The following RUBCN variants were observed in gnomAD, a reference collection of about 807,000 sequenced individuals.
RUBCN encodes the protein rubicon autophagy regulator.
A neutral mutation model predicts 113.2 loss-of-function variants in RUBCN; 74 were observed. The observed-to-expected ratio is 0.65, with a 90% CI of 0.54 to 0.79. The LOEUF is 0.79. RUBCN is among the 30% of genes least tolerant of loss of function. RUBCN has a pLI of 0.00. For synonymous variants in RUBCN, 480 were observed against 490.0 expected (o/e 0.98, Z 0.27); for missense variants, 1,109 against 1,251.7 (o/e 0.89, Z 1.72).
At chr3:197,723,789 T>C (rs1726429242) in intron 1 of RUBCN, among the ~76,000 whole-genome samples, 1 of 152,104 alleles carries the variant, frequency 6.6e-6, no homozygotes, top group Non-Finnish European at 1.5e-5. Flanking sequence ...CAGATCACAA[T>C]GGAGAAATAA....
intron 2 of RUBCN, 137 bp downstream of exon 2, chr3:197,717,840 T>C (rs1179990468): frequency 2.3e-6 from 2 of 875,674 alleles, no homozygotes. Flanking sequence ...ACGTTCTGTA[T>C]ATTAAAAAAA....
chr3:197,701,875 A>C lies in RUBCN; in HGVS notation c.571-11T>G, dbSNP rs1469353027. On this transcript the variant is annotated splice_polypyrimidine_tract_variant and intron_variant, in intron 5 of 19. Transcript: ENST00000296343. The stretch of plus-strand genomic sequence containing the variant: ...GTGCTTTCTGGCAAACTAAAAAGCA[A>C]AACAAAACCAAAAAATGTGTCAGAG... 5 of 1,613,790 alleles carry C rather than the reference A, an allele frequency of 3.1e-6. No homozygotes were observed. The highest frequency in any genetic ancestry group is 1.7e-5 in the Admixed American group (1 of 59,944).
chr3:197,740,487 A>G (rs982517740), upstream of RUBCN, among the ~76,000 whole-genome samples: 1 of 152,204 alleles, frequency 6.6e-6, no homozygotes, highest in African/African-American at 2.4e-5. Context: ...AGAAAAAGAA[A>G]AAGAAATTTT....
intron 2 of RUBCN, among the ~76,000 whole-genome samples, chr3:197,711,669 A>C (rs1479907501): frequency 6.6e-6 from 1 of 152,124 alleles, no homozygotes; most frequent in African/African-American, 2.4e-5. Context: ...CCTGTCTTTA[A>C]AAAAAATTTT....
At chr3:197,744,455 A>G (rs542980387) in intron 1 of RUBCN, among the ~76,000 whole-genome samples, 6 of 152,346 alleles carry the variant, frequency 3.9e-5, no homozygotes, top group Middle Eastern at 3.4e-3. Context: ...GATAAAACTC[A>G]GCATTTATTC....
rs1320329346 is a variant in RUBCN at position 197,726,535 on chromosome 3, C to T, written c.66-8405G>A. 4.4e-5 allele frequency among the ~76,000 whole-genome samples: 6 copies of T among 137,706 alleles called. No individual in the cohort carries two copies. The East Asian group carries it at 9.0e-4, about 21-fold the overall frequency. The allele number at this position is 137,706 out of a possible 152,430, so 90.3% of individuals were successfully genotyped here. A position where few individuals can be genotyped will look rare whatever the true frequency, so the allele number is the denominator to read the frequency against. ...TGCTGGGATTACAGGCGTGAGCCAC[C>T]GCGTCCAGCCTATTTTATTTCTGAG... On this transcript the variant is annotated intron_variant, in intron 1 of 19. Coordinates refer to ENST00000296343, the MANE Select transcript of RUBCN (RefSeq NM_014687.4).
intron 1 of RUBCN, among the ~76,000 whole-genome samples, chr3:197,730,819 C>G (rs1034079530): frequency 1.4e-5 from 2 of 146,472 alleles, no homozygotes; most frequent in Admixed American, 1.4e-4. Context: ...AGCCCTGCAT[C>G]AGCTTCTCTC....
chr3:197,679,207 G>C (rs1377914331), intron 16 of RUBCN, among the ~76,000 whole-genome samples: 1 of 148,560 alleles, frequency 6.7e-6, no homozygotes, highest in Non-Finnish European at 1.5e-5. Flanking sequence ...ACTGGCTTCA[G>C]ACTGTCCTAC....
intron 1 of RUBCN, among the ~76,000 whole-genome samples, chr3:197,735,909 T>G (rs1580405917): frequency 6.6e-6 from 1 of 152,140 alleles, no homozygotes; most frequent in East Asian, 1.9e-4. Context: ...TTTTATATTT[T>G]AAATCCCCCA....
intron 16 of RUBCN, among the ~76,000 whole-genome samples, chr3:197,679,761 C>T (rs1444248165): frequency 2.8e-5 from 4 of 144,310 alleles, no homozygotes; most frequent in African/African-American, 7.8e-5. Context: ...GACTGTCCTA[C>T]GCTCTGACAA....
chr3:197,696,875 C>G, intron 8 of RUBCN, 79 bp downstream of exon 8: 3 of 821,168 alleles, frequency 3.7e-6, no homozygotes, highest in Non-Finnish European at 6.5e-6. Context: ...GAGATGAACC[C>G]CAAAACTCAG....
At chr3:197,737,011 C>T, upstream of RUBCN, 1 of 1,088,344 alleles carries the variant, frequency 9.2e-7, no homozygotes, top group African/African-American at 1.7e-5. Flanking sequence ...AGACCGCGCC[C>T]CTCCAACGGC....
At chr3:197,718,512 T>A (rs559538291) in intron 1 of RUBCN, among the ~76,000 whole-genome samples, 47 of 152,308 alleles carry the variant, frequency 3.1e-4, no homozygotes, top group Non-Finnish European at 5.9e-4. Flanking sequence ...TGTGGTGGCA[T>A]GATCACAGCT....
intron 1 of RUBCN, among the ~76,000 whole-genome samples, chr3:197,734,257 A>C (rs1443620397): frequency 7.3e-6 from 1 of 137,554 alleles, no homozygotes; most frequent in Non-Finnish European, 1.6e-5. Context: ...ACTCTATCTC[A>C]AAAAAAAAAA....
intron 9 of RUBCN, among the ~76,000 whole-genome samples, chr3:197,694,917 G>A (rs1419104907): frequency 2.6e-5 from 4 of 152,188 alleles, no homozygotes; most frequent in Non-Finnish European, 5.9e-5. Context: ...CAAGATAAAA[G>A]TGCTTTGTAG....
rs1370618364 is a variant in RUBCN, at chr3:197,683,422, T to C, written c.1865A>G (p.His622Arg). The change falls in exon 13 of 20, where the codon CAC becomes CGC. Residue 622 changes from histidine (H) to arginine (R), a missense_variant. Physicochemically the swap from His to Arg is conservative, Grantham distance 29. Transcript: ENST00000296343. This position sits in a 1 kb window ranked among gnomAD's most constrained non-coding sequence, Gnocchi z 4.6. The part of the protein sequence containing the change: ...SSQSFSHCFL[H>R]STSAEAVAMG... ...GGCCACCGCCTCAGCAGACGTGGAG[T>C]GCAGGAAGCAGTGGGAGCTGGAAAG... 1 of 1,613,726 alleles carries C rather than the reference T, an allele frequency of 6.2e-7. No individual in the cohort carries two copies. The highest frequency in any genetic ancestry group is 2.2e-5 in the East Asian group (1 of 44,872).
At chr3:197,693,571 G>GT (rs1300131670) in intron 11 of RUBCN, 144 bp downstream of exon 11, 1 of 672,004 alleles carries the variant, frequency 1.5e-6, no homozygotes, top group Non-Finnish European at 2.7e-6. Context: ...AAGGGGTTTT[G>GT]TTTTTAGCAG....
At chr3:197,745,858 G>C (rs1728722487) in intron 1 of RUBCN, among the ~76,000 whole-genome samples, 2 of 152,156 alleles carry the variant, frequency 1.3e-5, no homozygotes, top group African/African-American at 4.8e-5. Context: ...CCAACATAGT[G>C]AAATGCTGTC....
intron 7 of RUBCN, among the ~76,000 whole-genome samples, chr3:197,698,535 G>C (rs1365646754): frequency 6.7e-6 from 1 of 149,818 alleles, no homozygotes; most frequent in African/African-American, 2.5e-5. Context: ...GAAAACAGGT[G>C]AAAGAAAAAG....
Sources: gnomAD v4.1 joint callset for allele counts (sites outside exome capture counted in the v4.1 genomes callset) on GRCh38, gnomAD v4.1.1 for gene constraint, Gnocchi (gnomAD v3.1) non-coding constraint, MANE v1.5 for transcripts, NCBI Gene and HGNC (gene_info 2026-07-23, HGNC 2026-07-21) for gene names.